DPP6: variants seen among roughly 807,000 people sequenced by gnomAD.
DPP6 encodes the protein A-type potassium channel modulatory protein DPP6.
DPP6 carries 69 observed loss-of-function variants against 122.6 expected under a neutral mutation model. The ratio of observed to expected loss-of-function variants is 0.56; its 90% CI spans 0.46 to 0.69. The LOEUF is 0.69. DPP6 is among the 30% of genes least tolerant of loss of function. The pLI is 0.00. For synonymous variants in DPP6, 418 were observed against 433.1 expected (o/e 0.97, Z 0.43); for missense variants, 928 against 1,116.9 (o/e 0.83, Z 2.41).
intron 6 of DPP6, among the ~76,000 whole-genome samples, chr7:154,662,514 G>A (rs71542534): frequency 6.2e-5 from 2 of 32,438 alleles, no homozygotes; most frequent in Admixed American, 3.3e-4. Context: ...CGTATCGGCC[G>A]TAGTGTTCAT....
the DPP6 span, among the ~76,000 whole-genome samples, chr7:153,827,918 C>A: frequency 6.6e-6 from 1 of 152,202 alleles, no homozygotes; most frequent in East Asian, 1.9e-4. Flanking sequence ...GGGGGTTGTC[C>A]AAGGAGCCTA....
intron 1 of DPP6, among the ~76,000 whole-genome samples, chr7:153,920,561 C>CTTTTTTTTTTTTTTTTTTTTTTT (rs1489811189): frequency 3.2e-5 from 2 of 62,458 alleles, no homozygotes; most frequent in Non-Finnish European, 5.8e-5. Flanking sequence ...TTTTATCTCT[C>CTTTTTTTTTTTTTTTTTTTTTTT]TCTTTTTTTT....
At chr7:154,210,132 G>T (rs1178450601) in intron 1 of DPP6, among the ~76,000 whole-genome samples, 1 of 152,164 alleles carries the variant, frequency 6.6e-6, no homozygotes, top group Admixed American at 6.6e-5. Context: ...AGGGAAACAG[G>T]TCTTGAAAAG....
At chr7:154,076,103 G>C (rs1350490595) in intron 1 of DPP6, among the ~76,000 whole-genome samples, 1 of 151,870 alleles carries the variant, frequency 6.6e-6, no homozygotes, top group Non-Finnish European at 1.5e-5. Flanking sequence ...CTGTGATGAA[G>C]TCAGAAGCTT....
intron 1 of DPP6, among the ~76,000 whole-genome samples, chr7:154,335,053 T>C (rs2151046689): frequency 7.3e-5 from 1 of 13,634 alleles, no homozygotes. Flanking sequence ...ATGATTTCAG[T>C]TTTTTCAATG....
intron 1 of DPP6, among the ~76,000 whole-genome samples, chr7:153,984,076 ACACACACACACACAC>A: frequency 6.6e-6 from 1 of 151,362 alleles, no homozygotes; most frequent in African/African-American, 2.4e-5. Flanking sequence ...ACACACACAC[ACACACACACACACAC>A]ACACACACAC....
chr7:154,254,531 G>A (rs979494515), intron 1 of DPP6, among the ~76,000 whole-genome samples: 14 of 152,180 alleles, frequency 9.2e-5, no homozygotes, highest in Non-Finnish European at 1.5e-5. Context: ...GGAGTTCTGA[G>A]ATGGAGATGC....
chr7:154,739,910 C>G (rs1463401720), intron 8 of DPP6, among the ~76,000 whole-genome samples: 1 of 152,208 alleles, frequency 6.6e-6, no homozygotes, highest in Non-Finnish European at 1.5e-5. Context: ...ACCTCTAGTT[C>G]TCAGAACCAA....
chr7:153,951,672 T>C (rs997565212), intron 1 of DPP6, among the ~76,000 whole-genome samples: 2 of 152,144 alleles, frequency 1.3e-5, no homozygotes, highest in African/African-American at 4.8e-5. Context: ...CTGGATACTA[T>C]CCTAAACCTT....
intron 1 of DPP6, among the ~76,000 whole-genome samples, chr7:154,032,883 TG>T (rs1799323767): frequency 8.1e-6 from 1 of 124,216 alleles, no homozygotes; most frequent in African/African-American, 3.0e-5. Flanking sequence ...CCTTGTTGTG[TG>T]GGGCAATTCA....
At chr7:154,622,575 A>G (rs186211258) in intron 5 of DPP6, among the ~76,000 whole-genome samples, 1 of 152,308 alleles carries the variant, frequency 6.6e-6, no homozygotes, top group Admixed American at 6.5e-5. Context: ...GGAGACAGAA[A>G]ACAAGCTGGA....
chr7:154,830,203 C>G (rs759100373), intron 16 of DPP6, among the ~76,000 whole-genome samples: 1 of 152,162 alleles, frequency 6.6e-6, no homozygotes, highest in Non-Finnish European at 1.5e-5. Context: ...ACATTCGCTG[C>G]TGCCTTTTTT....
At chr7:154,806,760 A>T (rs1489656705) in intron 15 of DPP6, among the ~76,000 whole-genome samples, 1 of 152,164 alleles carries the variant, frequency 6.6e-6, no homozygotes, top group Non-Finnish European at 1.5e-5. Context: ...CCCTCCCACA[A>T]GCAAGGATGC....
At chr7:153,750,236 C>A in the DPP6 span, among the ~76,000 whole-genome samples, 5 of 152,196 alleles carry the variant, frequency 3.3e-5, no homozygotes, top group Admixed American at 1.3e-4. Context: ...TCTATCAGAT[C>A]ATGAAGAAAT....
At chr7:154,766,900 T>C (rs913237740) in intron 8 of DPP6, among the ~76,000 whole-genome samples, 3 of 152,102 alleles carry the variant, frequency 2.0e-5, no homozygotes, top group African/African-American at 7.2e-5. Flanking sequence ...AAATGAGGGG[T>C]GACCCTTGCC....
intron 1 of DPP6, among the ~76,000 whole-genome samples, chr7:154,433,326 ATT>A (rs1288200895): frequency 5.9e-5 from 3 of 51,216 alleles, no homozygotes; most frequent in Non-Finnish European, 1.0e-4. Context: ...TAATTTTTGC[ATT>A]TTTTTTGTTT....
At position 154,727,840 on chromosome 7, in the gene DPP6, G is replaced by A; in HGVS notation, c.836G>A (p.Gly279Asp). The change falls in exon 8 of 26, where the codon GGC becomes GAC. Residue 279 changes from glycine to aspartate, a missense_variant. Physicochemically the swap from Gly to Asp is moderately conservative, Grantham distance 94. Transcript: ENST00000377770. ...GKQAIRVVST[G>D]KEGVIYNGLS... The stretch of plus-strand genomic sequence containing the variant: ...CAGGCCATCCGTGTGGTCTCCACTG[G>A]CAAGGAAGGTGTGATTTACAATGGC... 6.2e-7 allele frequency: 1 copy of A among 1,613,878 alleles called. No individual in the cohort carries two copies. The highest frequency in any genetic ancestry group is 8.5e-7 in the Non-Finnish European group (1 of 1,179,818).
intron 1 of DPP6, among the ~76,000 whole-genome samples, chr7:154,060,576 G>C (rs1169856976): frequency 1.7e-5 from 2 of 119,538 alleles, no homozygotes; most frequent in Non-Finnish European, 1.7e-5. Context: ...GGTACCTTAC[G>C]TGGGATTACT....
At chr7:154,013,070 C>T (rs1234484451) in intron 1 of DPP6, among the ~76,000 whole-genome samples, 5 of 152,232 alleles carry the variant, frequency 3.3e-5, no homozygotes, top group African/African-American at 1.2e-4. Flanking sequence ...AAGGCCACTG[C>T]TCTCTGATAG....
Sources: allele counts gnomAD v4.1 joint callset (sites outside exome capture counted in the v4.1 genomes callset), GRCh38; gene constraint gnomAD v4.1.1; transcripts MANE v1.5; gene names NCBI Gene and HGNC (gene_info 2026-07-23, HGNC 2026-07-21).